The following EFNA5 variants were observed in gnomAD, a reference collection of about 807,000 sequenced individuals.
EFNA5 encodes the protein ephrin-A5.
EFNA5 carries 5 observed loss-of-function variants against 22.9 expected under a neutral mutation model. That is an observed-to-expected ratio of 0.22 (90% CI 0.11 to 0.46). The LOEUF is 0.46. EFNA5 is among the 20% of genes least tolerant of loss of function. EFNA5 has a pLI of 0.99. For missense variants in EFNA5, 237 were observed against 293.3 expected (o/e 0.81, Z 1.40); for synonymous variants, 113 against 112.2 (o/e 1.01, Z -0.04).
chr5:107,514,776 C>T (rs747576327), intron 1 of EFNA5, among the ~76,000 whole-genome samples: 2 of 152,214 alleles, frequency 1.3e-5, no homozygotes, highest in Non-Finnish European at 2.9e-5. Flanking sequence ...TGAGGTCCTA[C>T]GTGACCTGCC....
chr5:107,453,485 A>G (rs1457107607), intron 1 of EFNA5, among the ~76,000 whole-genome samples: 3 of 152,188 alleles, frequency 2.0e-5, no homozygotes, highest in Non-Finnish European at 2.9e-5. Flanking sequence ...CACTCTATGT[A>G]TATTCATTTT....
chr5:107,435,034 A>G (rs1749069722), intron 1 of EFNA5, among the ~76,000 whole-genome samples: 1 of 152,248 alleles, frequency 6.6e-6, no homozygotes, highest in African/African-American at 2.4e-5. Context: ...TAGAGTGAAT[A>G]TATCTTGGGA....
At chr5:107,591,943 T>TATATAATATATAA (rs1749353117) in intron 1 of EFNA5, among the ~76,000 whole-genome samples, 1 of 18,816 alleles carries the variant, frequency 5.3e-5, no homozygotes, top group South Asian at 1.4e-3. Context: ...AATATATATA[T>TATATAATATATAA]TATATATAAT....
intron 1 of EFNA5, among the ~76,000 whole-genome samples, chr5:107,622,361 G>T (rs1055761574): frequency 7.2e-5 from 11 of 152,276 alleles, no homozygotes; most frequent in Admixed American, 6.5e-4. Context: ...CAAATGTCCT[G>T]ACTGAATTGC....
At chr5:107,561,368 A>AAGT (rs1328236013) in intron 1 of EFNA5, among the ~76,000 whole-genome samples, 1 of 152,026 alleles carries the variant, frequency 6.6e-6, no homozygotes, top group Non-Finnish European at 1.5e-5. Flanking sequence ...ACCAGGAAAA[A>AAGT]AGTACACTTT....
At chr5:107,643,600 A>C (rs957549000) in intron 1 of EFNA5, among the ~76,000 whole-genome samples, 3 of 151,998 alleles carry the variant, frequency 2.0e-5, no homozygotes, top group African/African-American at 7.3e-5. Context: ...GGGCTTATTA[A>C]AACCCCGAAG....
At position 107,605,154 on chromosome 5, in the gene EFNA5, G is replaced by C. The variant is rs143778787; in HGVS notation, c.125+65335C>G. ...ATTTAAAAGCTCGGGGGTGGGGATG[G>C]GGGGGGAAGCAGAGCTAACTAGAGG... is the stretch of plus-strand genomic sequence containing the variant. On this transcript the variant is annotated intron_variant, in intron 1 of 4. Transcript: ENST00000333274. Among the ~76,000 whole-genome samples the C allele has an allele frequency of 5.2e-3, 790 of 151,852 alleles. 2 individuals are homozygous for C. Among genetic ancestry groups the C allele is most frequent in the African/African-American group, 7.2e-3 (298 of 41,434 alleles).
intron 1 of EFNA5, among the ~76,000 whole-genome samples, chr5:107,513,619 CATTT>C (rs1747419622): frequency 6.6e-6 from 1 of 152,116 alleles, no homozygotes; most frequent in African/African-American, 2.4e-5. Context: ...ATCAACTGTT[CATTT>C]ATTTATTCTA....
chr5:107,418,340 AC>A (rs1283477097), intron 2 of EFNA5, among the ~76,000 whole-genome samples: 3 of 152,252 alleles, frequency 2.0e-5, no homozygotes, highest in South Asian at 4.2e-4. Flanking sequence ...TAACTCTGAA[AC>A]CAAATTAGTG....
chr5:107,556,607 A>G (rs1748421966), intron 1 of EFNA5, among the ~76,000 whole-genome samples: 1 of 152,026 alleles, frequency 6.6e-6, no homozygotes, highest in African/African-American at 2.4e-5. Flanking sequence ...TTAGCTGGGC[A>G]TGGTAGCGGG....
At chr5:107,459,491 T>C (rs3844750) in intron 1 of EFNA5, among the ~76,000 whole-genome samples, 18,462 of 152,128 alleles carry the variant, frequency 0.12, 1,203 homozygotes, top group Middle Eastern at 0.15. Context: ...GTTCATGTTT[T>C]ATAGTTGAGT....
chr5:107,619,206 T>G (rs920868728), intron 1 of EFNA5, among the ~76,000 whole-genome samples: 24 of 152,012 alleles, frequency 1.6e-4, no homozygotes, highest in African/African-American at 5.8e-4. Flanking sequence ...ATTACAGGTG[T>G]GAGCCACCGC....
intron 1 of EFNA5, among the ~76,000 whole-genome samples, chr5:107,569,086 C>A (rs540622438): frequency 6.6e-6 from 1 of 152,158 alleles, no homozygotes; most frequent in Non-Finnish European, 1.5e-5. Context: ...TAAATCTATA[C>A]TTAGCATATT....
intron 1 of EFNA5, among the ~76,000 whole-genome samples, chr5:107,602,322 T>G (rs1357696026): frequency 6.6e-6 from 1 of 152,150 alleles, no homozygotes; most frequent in Non-Finnish European, 1.5e-5. Flanking sequence ...ATTTGGGACT[T>G]CATTACCTCG....
intron 1 of EFNA5, among the ~76,000 whole-genome samples, chr5:107,511,516 TAATAA>T (rs1386240005): frequency 6.6e-6 from 1 of 152,216 alleles, no homozygotes; most frequent in East Asian, 1.9e-4. Context: ...AGTATTTTAA[TAATAA>T]AATAAATGGT....
chr5:107,546,705 G>A (rs1308682032), intron 1 of EFNA5, among the ~76,000 whole-genome samples: 1 of 126,338 alleles, frequency 7.9e-6, no homozygotes, highest in Non-Finnish European at 1.7e-5. Flanking sequence ...CCTGGTGTAG[G>A]AAAGAATTTT....
At chr5:107,408,762 G>A (rs903164061) in intron 2 of EFNA5, among the ~76,000 whole-genome samples, 1 of 152,182 alleles carries the variant, frequency 6.6e-6, no homozygotes, top group African/African-American at 2.4e-5. Flanking sequence ...AATGTTGAGT[G>A]AGACAGCCCT....
At chr5:107,519,479 C>A (rs999481054) in intron 1 of EFNA5, among the ~76,000 whole-genome samples, 5 of 152,144 alleles carry the variant, frequency 3.3e-5, no homozygotes, top group Admixed American at 2.6e-4. Context: ...TCACTTAATC[C>A]ATTTCATCCT....
intron 1 of EFNA5, among the ~76,000 whole-genome samples, chr5:107,635,258 A>G (rs375173566): frequency 1.3e-5 from 2 of 152,332 alleles, no homozygotes; most frequent in African/African-American, 4.8e-5. Context: ...ACTTTAATGT[A>G]TAACTGCTTT....
Sources: gnomAD v4.1 joint callset for allele counts (sites outside exome capture counted in the v4.1 genomes callset) on GRCh38, gnomAD v4.1.1 for gene constraint, MANE v1.5 for transcripts, NCBI Gene and HGNC (gene_info 2026-07-23, HGNC 2026-07-21) for gene names.